Variants in CHD6 observed in about 807,000 individuals in gnomAD.
CHD6 encodes the protein chromodomain helicase DNA binding protein 6.
A neutral mutation model predicts 276.9 loss-of-function variants in CHD6; 50 were observed. The ratio of observed to expected loss-of-function variants is 0.18; its 90% CI spans 0.14 to 0.23. The LOEUF is 0.23. Ranked by LOEUF, CHD6 falls within the 10% of genes least tolerant of loss-of-function variation. The pLI is 1.00. For missense variants in CHD6, 2,564 were observed against 3,365.8 expected, an observed-to-expected ratio of 0.76 and a Z score of 5.89; for synonymous variants, 1,173 against 1,229.3, an observed-to-expected ratio of 0.95 and a Z score of 0.96.
chr20:41,478,118 A>G (rs189341712), intron 16 of CHD6, among the ~76,000 whole-genome samples: 61 of 152,296 alleles, frequency 4.0e-4, no homozygotes, highest in African/African-American at 1.3e-3. Context: ...AGGGTCCCCA[A>G]TGAAAATGGT....
At chr20:41,617,660 C>T (rs2045946447) in intron 1 of CHD6, among the ~76,000 whole-genome samples, 2 of 152,080 alleles carry the variant, frequency 1.3e-5, no homozygotes, top group African/African-American at 4.8e-5. Flanking sequence ...TAATAATGCA[C>T]AAAACTTGGC....
At chr20:41,541,545 C>T (rs1222836264) in intron 2 of CHD6, among the ~76,000 whole-genome samples, 1 of 152,112 alleles carries the variant, frequency 6.6e-6, no homozygotes, top group African/African-American at 2.4e-5. Flanking sequence ...AAAACAGGAC[C>T]AAATCCTGAC....
intron 2 of CHD6, among the ~76,000 whole-genome samples, chr20:41,543,250 C>T (rs939230250): frequency 6.6e-6 from 1 of 152,130 alleles, no homozygotes; most frequent in Non-Finnish European, 1.5e-5. Context: ...AGAGTAGAAG[C>T]CTAGAGAGGC....
chr20:41,604,866 T>C (rs1025141729), intron 1 of CHD6, among the ~76,000 whole-genome samples: 2 of 152,104 alleles, frequency 1.3e-5, no homozygotes, highest in Non-Finnish European at 2.9e-5. Context: ...CTGAAAGGTA[T>C]GGGCACATGA....
chr20:41,415,319 G>C lies in CHD6; in HGVS notation c.6806C>G (p.Thr2269Ser). 1 of 1,614,158 alleles carries C rather than the reference G, an allele frequency of 6.2e-7. No individual in the cohort carries two copies. The highest frequency in any genetic ancestry group is 8.5e-7 in the Non-Finnish European group (1 of 1,180,048). ...GAGGCTTCCATTGACAATCTGTCCA[G>C]TCACAGGATGGATCAGGCCAGCTTG... ...ILQAGLIHPV[T>S]GQIVNGSLRR... The change falls in exon 34 of 37, where the codon ACT (threonine) becomes AGT (serine). Residue 2269 changes from threonine to serine, a missense_variant. By Grantham distance (58) the Thr-to-Ser change is moderately conservative. This residue lies in a region of CHD6 where 1,024 missense variants were observed against 1,047.9 expected (regional missense o/e 0.98). Coordinates refer to ENST00000373233, the MANE Select transcript of CHD6 (RefSeq NM_032221.5).
chr20:41,531,716 G>A (rs772296933), intron 3 of CHD6, among the ~76,000 whole-genome samples: 4 of 152,188 alleles, frequency 2.6e-5, no homozygotes, highest in Non-Finnish European at 5.9e-5. Context: ...AACATTATGA[G>A]GCAAAATTTT....
At chr20:41,528,993 C>T (rs2044613500) in intron 3 of CHD6, among the ~76,000 whole-genome samples, 1 of 152,286 alleles carries the variant, frequency 6.6e-6, no homozygotes, top group South Asian at 2.1e-4. Flanking sequence ...ACTTCTCTGA[C>T]ACTGAAATCT....
At chr20:41,426,709 T>C (rs1056651793) in intron 27 of CHD6, among the ~76,000 whole-genome samples, 3 of 152,196 alleles carry the variant, frequency 2.0e-5, no homozygotes, top group Non-Finnish European at 4.4e-5. Flanking sequence ...TGACTTGAGC[T>C]CTAAGTGAAT....
At chr20:41,451,772 G>A (rs2048247491) in intron 22 of CHD6, 54 bp downstream of exon 22, 2 of 1,484,560 alleles carry the variant, frequency 1.3e-6, no homozygotes, top group South Asian at 2.3e-5. Context: ...AGAGGAAGAG[G>A]GGATGAAGTG....
intron 35 of CHD6, 82 bp downstream of exon 35, chr20:41,413,242 C>T: frequency 8.7e-7 from 1 of 1,143,674 alleles, no homozygotes; most frequent in Non-Finnish European, 1.2e-6. Context: ...TTCCTGGTTG[C>T]CCTCAGCATG....
chr20:41,515,354 T>TTGGAGTG (rs1163122863), intron 3 of CHD6, among the ~76,000 whole-genome samples: 1 of 152,154 alleles, frequency 6.6e-6, no homozygotes, highest in Non-Finnish European at 1.5e-5. Context: ...CTCTATTGAG[T>TTGGAGTG]ACACGCTGGA....
At chr20:41,507,451 T>C (rs113973532) in intron 5 of CHD6, among the ~76,000 whole-genome samples, 1,590 of 152,186 alleles carry the variant, frequency 0.01, 27 homozygotes, top group African/African-American at 0.036. Context: ...GAATCAGTAG[T>C]GATCATCCAA....
intron 19 of CHD6, 126 bp from the exon 20 acceptor site, chr20:41,454,862 A>C (rs1237464027): frequency 1.9e-6 from 1 of 524,512 alleles, no homozygotes; most frequent in Non-Finnish European, 3.3e-6. Context: ...CCCTTAACAG[A>C]GCTTCCAAAA....
rs969822813 is a variant in CHD6 at position 41,403,997 on chromosome 20, C to T, written c.*596G>A. On this transcript the variant is annotated 3_prime_UTR_variant, in exon 37 of 37. Transcript: ENST00000373233. ...CACCAAGGGGGAAATTATATTACTA[C>T]CGGTAAGGTTTTTGTTTTTTATAAA... is the stretch of plus-strand genomic sequence containing the variant. 34 of 1,052,692 alleles carry T rather than the reference C, an allele frequency of 3.2e-5. No homozygotes were observed. The highest frequency in any genetic ancestry group is 2.5e-5 in the Non-Finnish European group (22 of 871,378). The allele number at this position is 1,052,692 out of a possible 1,614,324, so 65.2% of individuals were successfully genotyped here.
intron 5 of CHD6, among the ~76,000 whole-genome samples, chr20:41,505,176 G>A (rs1352149714): frequency 2.0e-5 from 3 of 152,246 alleles, no homozygotes; most frequent in Non-Finnish European, 2.9e-5. Context: ...ACCCCATGCA[G>A]GTTAAAAGTC....
intron 1 of CHD6, among the ~76,000 whole-genome samples, chr20:41,587,414 CT>C (rs1350124139): frequency 6.6e-6 from 1 of 152,200 alleles, no homozygotes; most frequent in East Asian, 1.9e-4. Context: ...AATAAGTCAG[CT>C]TATTCAGGAT....
At chr20:41,586,358 G>A (rs565015920) in intron 1 of CHD6, among the ~76,000 whole-genome samples, 4 of 152,296 alleles carry the variant, frequency 2.6e-5, no homozygotes, top group Admixed American at 1.3e-4. Context: ...ACTCCTGATC[G>A]GGCTAGAGGC....
chr20:41,503,107 C>A (rs140025552), intron 5 of CHD6, among the ~76,000 whole-genome samples: 1 of 152,118 alleles, frequency 6.6e-6, no homozygotes, highest in East Asian at 1.9e-4. Context: ...TTAGCATAGA[C>A]GGCTTGTGTA....
chr20:41,526,183 T>G (rs1357978922), intron 3 of CHD6, among the ~76,000 whole-genome samples: 1 of 151,992 alleles, frequency 6.6e-6, no homozygotes, highest in Non-Finnish European at 1.5e-5. Flanking sequence ...AATAAAGACT[T>G]AGTGCAAAGC....
Sources: allele counts gnomAD v4.1 joint callset (sites outside exome capture counted in the v4.1 genomes callset), GRCh38; gene constraint gnomAD v4.1.1; regional missense constraint gnomAD v4.1.1; transcripts MANE v1.5; gene names NCBI Gene and HGNC (gene_info 2026-07-23, HGNC 2026-07-21).